CDH2: variants seen among roughly 807,000 people sequenced by gnomAD.
CDH2 encodes the protein cadherin-2.
CDH2 carries 17 observed loss-of-function variants against 92.0 expected under a neutral mutation model. The observed-to-expected ratio is 0.18, with a 90% CI of 0.13 to 0.28. The LOEUF is 0.28. Ranked by LOEUF, CDH2 falls within the 10% of genes least tolerant of loss-of-function variation. The pLI is 1.00. For missense variants in CDH2, 862 were observed against 1,133.1 expected (o/e 0.76, Z 3.44); for synonymous variants, 419 against 415.9 (o/e 1.01, Z -0.09).
At chr18:28,096,073 C>T (rs1013394797) in intron 2 of CDH2, among the ~76,000 whole-genome samples, 3 of 152,096 alleles carry the variant, frequency 2.0e-5, no homozygotes, top group Admixed American at 6.6e-5. Context: ...TATGCCTTAA[C>T]GTGTCTGGAT....
chr18:28,166,360 A>G (rs1185538607), intron 1 of CDH2, among the ~76,000 whole-genome samples: 1 of 151,798 alleles, frequency 6.6e-6, no homozygotes, highest in Non-Finnish European at 1.5e-5. Context: ...GTACACCACT[A>G]TCTCCCTTTA....
At chr18:27,971,064 C>T (rs768500675) in intron 14 of CDH2, among the ~76,000 whole-genome samples, 10 of 152,018 alleles carry the variant, frequency 6.6e-5, no homozygotes, top group Non-Finnish European at 1.3e-4. Flanking sequence ...GGTGAAACCC[C>T]GTCTCTACTA....
intron 1 of CDH2, among the ~76,000 whole-genome samples, chr18:28,175,597 A>AGCCCCT (rs938147659): frequency 6.6e-6 from 1 of 152,084 alleles, no homozygotes; most frequent in African/African-American, 2.4e-5. Flanking sequence ...AGCCCCGTCC[A>AGCCCCT]GCCCCTGCCC....
intron 15 of CDH2, 151 bp from the exon 16 acceptor site, chr18:27,952,510 A>G: frequency 1.5e-6 from 1 of 650,280 alleles, no homozygotes; most frequent in Non-Finnish European, 2.7e-6. Context: ...TGGAAAAGGG[A>G]GATATAACCA....
intron 2 of CDH2, among the ~76,000 whole-genome samples, chr18:28,076,613 C>T (rs527838556): frequency 6.6e-6 from 1 of 151,950 alleles, no homozygotes; most frequent in Non-Finnish European, 1.5e-5. Flanking sequence ...CATATGTATA[C>T]ATGTGCCATT....
intron 2 of CDH2, among the ~76,000 whole-genome samples, chr18:28,072,226 C>T (rs1304399328): frequency 6.6e-6 from 1 of 152,034 alleles, no homozygotes; most frequent in Non-Finnish European, 1.5e-5. Context: ...CCTAGGCACC[C>T]TGGATGAATT....
At chr18:28,078,012 A>G (rs1384709141) in intron 2 of CDH2, among the ~76,000 whole-genome samples, 1 of 151,998 alleles carries the variant, frequency 6.6e-6, no homozygotes, top group South Asian at 2.1e-4. Context: ...ACGTGTTTTT[A>G]CCACAGCTTT....
intron 1 of CDH2, among the ~76,000 whole-genome samples, chr18:28,153,317 C>T (rs1415492405): frequency 6.6e-6 from 1 of 152,072 alleles, no homozygotes; most frequent in Non-Finnish European, 1.5e-5. Context: ...ATTATCTTTG[C>T]TGCTGATTTT....
chr18:28,018,945 A>G lies in CDH2; in HGVS notation c.173-5036T>C, dbSNP rs552219618. Among the ~76,000 whole-genome samples, 9 of 151,478 alleles carry G rather than the reference A, an allele frequency of 5.9e-5. No homozygotes were observed. The East Asian group carries it at 1.7e-3, about 29-fold the overall frequency. The stretch of plus-strand genomic sequence containing the variant: ...TATTTATTTATATATTTATATGCAC[A>G]CCACGGGATACTACTCAGCCATAAA... On this transcript the variant is annotated intron_variant, in intron 2 of 15. Transcript: ENST00000269141.
chr18:28,177,084 A>T lies in CDH2; in HGVS notation c.-62T>A. 1 of 1,018,964 alleles carries T rather than the reference A, an allele frequency of 9.8e-7. No individual in the cohort carries two copies. The highest frequency in any genetic ancestry group is 1.6e-5 in the South Asian group (1 of 63,530). 63.1% of individuals were successfully genotyped at this position (1,018,964 alleles called of 1,614,324 possible). On this transcript the variant is annotated 5_prime_UTR_variant, in exon 1 of 16. Coordinates refer to ENST00000269141, the MANE Select transcript of CDH2 (RefSeq NM_001792.5). ...GCGGCGGCGGCGGCGGCGGCGGCGG[A>T]GGAGGAGGAGGCAGCGGCAGCACCA...
chr18:27,983,641 A>G (rs2012132153), intron 13 of CDH2, among the ~76,000 whole-genome samples: 1 of 152,200 alleles, frequency 6.6e-6, no homozygotes, highest in South Asian at 2.1e-4. Flanking sequence ...GTTTCAGCTA[A>G]GAAAGCTAGG....
At chr18:28,102,773 A>G (rs2015247762) in intron 2 of CDH2, among the ~76,000 whole-genome samples, 1 of 152,032 alleles carries the variant, frequency 6.6e-6, no homozygotes, top group African/African-American at 2.4e-5. Context: ...GGTGGGCAGT[A>G]GTGGTTCAAA....
intron 10 of CDH2, among the ~76,000 whole-genome samples, chr18:27,989,000 C>A (rs973924654): frequency 2.0e-5 from 3 of 152,158 alleles, no homozygotes; most frequent in African/African-American, 7.2e-5. Flanking sequence ...GGTAAAATAG[C>A]TTGAATATAG....
chr18:28,055,954 ACTAAGAGTTAAATATT>A (rs1185761490), intron 2 of CDH2, among the ~76,000 whole-genome samples: 1 of 152,196 alleles, frequency 6.6e-6, no homozygotes, highest in African/African-American at 2.4e-5. Flanking sequence ...AATTAAGATT[ACTAAGAGTTAAATATT>A]CTAATGACTA....
At chr18:27,953,817 T>G (rs9945946) in intron 15 of CDH2, among the ~76,000 whole-genome samples, 18,189 of 152,064 alleles carry the variant, frequency 0.12, 1,356 homozygotes, top group African/African-American at 0.21. Flanking sequence ...GGACCCGAGG[T>G]CTCACCACAG....
At chr18:28,105,606 G>A (rs779422368) in intron 2 of CDH2, among the ~76,000 whole-genome samples, 2 of 151,918 alleles carry the variant, frequency 1.3e-5, no homozygotes, top group Non-Finnish European at 2.9e-5. Flanking sequence ...TCCAAACCTA[G>A]AAGGAAAGTT....
chr18:28,085,585 A>G (rs374061297), intron 2 of CDH2, among the ~76,000 whole-genome samples: 38 of 152,226 alleles, frequency 2.5e-4, no homozygotes, highest in African/African-American at 8.4e-4. Flanking sequence ...CTACATCTGC[A>G]CCTTCTAGCC....
chr18:28,137,275 G>A (rs1441420586), intron 2 of CDH2, among the ~76,000 whole-genome samples: 1 of 152,116 alleles, frequency 6.6e-6, no homozygotes, highest in Non-Finnish European at 1.5e-5. Flanking sequence ...AAAAGTGGCT[G>A]GGGCTCTTAG....
intron 2 of CDH2, among the ~76,000 whole-genome samples, chr18:28,143,626 A>C (rs2015988769): frequency 6.6e-6 from 1 of 151,856 alleles, no homozygotes; most frequent in African/African-American, 2.4e-5. Flanking sequence ...CCTGCTCTAA[A>C]ATAAAGTGGC....
Sources: gnomAD v4.1 joint callset for allele counts (sites outside exome capture counted in the v4.1 genomes callset) on GRCh38, gnomAD v4.1.1 for gene constraint, MANE v1.5 for transcripts, NCBI Gene and HGNC (gene_info 2026-07-23, HGNC 2026-07-21) for gene names.